Variants in FOXN3 observed in about 807,000 individuals in gnomAD.
FOXN3 encodes forkhead box protein N3.
Under a neutral mutation model 38.4 loss-of-function variants are expected in FOXN3, and 7 were observed. That is an observed-to-expected ratio of 0.18 (90% CI 0.10 to 0.34). FOXN3 has a LOEUF of 0.34. Among genes scored for constraint, FOXN3 ranks in the 10% least tolerant of loss-of-function variants. The pLI, the probability that FOXN3 is intolerant of heterozygous loss-of-function variation, is 1.00. For missense variants in FOXN3, 456 were observed against 613.4 expected (o/e 0.74, Z 2.71); for synonymous variants, 230 against 242.2 (o/e 0.95, Z 0.47).
chr14:89,428,117 A>G (rs978505189), intron 1 of FOXN3, among the ~76,000 whole-genome samples: 16 of 152,240 alleles, frequency 1.1e-4, no homozygotes, highest in African/African-American at 3.9e-4. Flanking sequence ...TCTTCTCTCT[A>G]CGAGAGTCTT....
intron 4 of FOXN3, among the ~76,000 whole-genome samples, chr14:89,268,198 GAAGT>G (rs1318866297): frequency 6.6e-6 from 1 of 152,168 alleles, no homozygotes; most frequent in African/African-American, 2.4e-5. Flanking sequence ...TACCTCTCAA[GAAGT>G]AAGTGAAATT....
chr14:89,466,332 A>G (rs1243165706), intron 1 of FOXN3, among the ~76,000 whole-genome samples: 2 of 152,226 alleles, frequency 1.3e-5, no homozygotes, highest in African/African-American at 4.8e-5. Context: ...GCTGACAAGT[A>G]TGACTTTGCC....
chr14:89,371,364 G>C (rs1890315200), intron 2 of FOXN3, among the ~76,000 whole-genome samples: 1 of 151,970 alleles, frequency 6.6e-6, no homozygotes, highest in Non-Finnish European at 1.5e-5. Context: ...GAAGAGTCTG[G>C]GGTTCTGTTT....
chr14:89,204,812 A>ATCCG (rs1888335740), intron 4 of FOXN3, among the ~76,000 whole-genome samples: 1 of 151,664 alleles, frequency 6.6e-6, no homozygotes, highest in African/African-American at 2.4e-5. Context: ...CCATCCATCC[A>ATCCG]TCCATCCATC....
At chr14:89,322,620 C>CG (rs1451807873) in intron 3 of FOXN3, among the ~76,000 whole-genome samples, 2 of 152,036 alleles carry the variant, frequency 1.3e-5, no homozygotes, top group African/African-American at 4.8e-5. Context: ...AGAAGGGGAC[C>CG]GGTGGGGCAG....
At chr14:89,290,426 G>T in intron 3 of FOXN3, 1 of 376,122 alleles carries the variant, frequency 2.7e-6, no homozygotes, top group East Asian at 7.5e-5. Flanking sequence ...GAATGTACTT[G>T]GAGTTGGTCA....
chr14:89,426,904 T>C (rs565353846), intron 1 of FOXN3, among the ~76,000 whole-genome samples: 3 of 151,912 alleles, frequency 2.0e-5, no homozygotes, highest in African/African-American at 7.3e-5. Flanking sequence ...ACAGGACCCG[T>C]GGGGTACAAG....
At chr14:89,405,443 C>T (rs1291338406) in intron 2 of FOXN3, among the ~76,000 whole-genome samples, 7 of 152,114 alleles carry the variant, frequency 4.6e-5, no homozygotes, top group Admixed American at 3.9e-4. Flanking sequence ...GGTGCGACCT[C>T]ATTTTCAAAA....
intron 2 of FOXN3, among the ~76,000 whole-genome samples, chr14:89,386,461 T>G (rs1890792711): frequency 6.6e-6 from 1 of 152,224 alleles, no homozygotes; most frequent in Non-Finnish European, 1.5e-5. Context: ...GAAGTCATAG[T>G]TCTAATCCTG....
chr14:89,372,419 G>A (rs992539689), intron 2 of FOXN3, among the ~76,000 whole-genome samples: 1 of 152,104 alleles, frequency 6.6e-6, no homozygotes, highest in African/African-American at 2.4e-5. Context: ...CAGTCTAAAC[G>A]CACATAAAAA....
intron 5 of FOXN3, among the ~76,000 whole-genome samples, chr14:89,176,989 A>ATC (rs1031731330): frequency 1.4e-5 from 2 of 146,992 alleles, no homozygotes. Context: ...TTTACTGGTT[A>ATC]TCTCTCTCTC....
chr14:89,587,989 T>G (rs531810716), intron 1 of FOXN3, among the ~76,000 whole-genome samples: 1 of 151,776 alleles, frequency 6.6e-6, no homozygotes, highest in African/African-American at 2.4e-5. Flanking sequence ...CTGTGTCCCC[T>G]CTAAATCTCA....
At chr14:89,365,344 A>C (rs1158969628) in intron 2 of FOXN3, among the ~76,000 whole-genome samples, 1 of 152,228 alleles carries the variant, frequency 6.6e-6, no homozygotes, top group Admixed American at 6.5e-5. Flanking sequence ...AAAGCAGTCA[A>C]GAGCTAGCAC....
chr14:89,433,123 G>A (rs372156689), intron 1 of FOXN3, among the ~76,000 whole-genome samples: 2 of 152,184 alleles, frequency 1.3e-5, no homozygotes, highest in South Asian at 2.1e-4. Context: ...CCGAGGCGGG[G>A]TGAGTCACCT....
At chr14:89,233,136 G>C (rs146376451) in intron 4 of FOXN3, among the ~76,000 whole-genome samples, 2 of 152,324 alleles carry the variant, frequency 1.3e-5, no homozygotes, top group African/African-American at 4.8e-5. Context: ...CATTTCTTCT[G>C]AACCCTTAGG....
intron 4 of FOXN3, among the ~76,000 whole-genome samples, chr14:89,189,680 C>T (rs1195795701): frequency 1.3e-5 from 2 of 152,166 alleles, no homozygotes; most frequent in Non-Finnish European, 2.9e-5. Context: ...CTTTCTAAAA[C>T]CATGGTAGAC....
chr14:89,555,868 TGTGTGTGTATGTGG>T (rs1345691637), intron 1 of FOXN3, among the ~76,000 whole-genome samples: 1 of 120,334 alleles, frequency 8.3e-6, no homozygotes, highest in Non-Finnish European at 1.8e-5. Context: ...TGTGTGTGTG[TGTGTGTGTATGTGG>T]GGGTGTATGT....
At chr14:89,367,825 C>G (rs369064632) in intron 2 of FOXN3, among the ~76,000 whole-genome samples, 1 of 99,648 alleles carries the variant, frequency 1.0e-5, no homozygotes, top group African/African-American at 3.8e-5. Flanking sequence ...CTCAGCAAGC[C>G]GGCCTCCTGC....
In FOXN3 at chr14:89,250,402, C is replaced by A. The variant is rs773825998; in HGVS notation, c.745+30548G>T. ...TTGGGATTACAGGCATGAGCCACTG[C>A]ATCCAGCCTGGTTTTGTTTTCTAAA... On this transcript the variant is annotated intron_variant, in intron 4 of 5. Coordinates refer to ENST00000557258, the MANE Select transcript of FOXN3 (RefSeq NM_005197.4). Among the ~76,000 whole-genome samples the A allele has an allele frequency of 7.2e-5, 11 of 152,250 alleles. 1 individual carries two copies. Among genetic ancestry groups the A allele is most frequent in the Non-Finnish European group, 1.2e-4 (8 of 68,048 alleles).
Sources: gnomAD v4.1 joint callset for allele counts (sites outside exome capture counted in the v4.1 genomes callset) on GRCh38, gnomAD v4.1.1 for gene constraint, MANE v1.5 for transcripts, NCBI Gene and HGNC (gene_info 2026-07-23, HGNC 2026-07-21) for gene names.